XRCC4: variants seen among roughly 807,000 people sequenced by gnomAD.
XRCC4 encodes the protein X-ray repair cross complementing 4, also known as DNA repair protein XRCC4.
Under a neutral mutation model 39.1 loss-of-function variants are expected in XRCC4, and 28 were observed. That is an observed-to-expected ratio of 0.72 (90% CI 0.53 to 0.98). The LOEUF is 0.98. Among genes scored for constraint, XRCC4 ranks in the 50% least tolerant of loss-of-function variants. XRCC4 has a pLI of 0.00. For missense variants in XRCC4, 350 were observed against 376.4 expected (o/e 0.93, Z 0.58); for synonymous variants, 123 against 126.4 (o/e 0.97, Z 0.18).
At chr5:83,101,527 T>G (rs2386236) in intron 1 of XRCC4, among the ~76,000 whole-genome samples, 138,966 of 152,054 alleles carry the variant, frequency 0.91, 63,665 homozygotes, top group African/African-American at 0.97. Flanking sequence ...TTCTTTTTTT[T>G]TTGTTGTTGT....
chr5:83,269,404 A>G (rs556341194), intron 7 of XRCC4, among the ~76,000 whole-genome samples: 1 of 151,492 alleles, frequency 6.6e-6, no homozygotes, highest in Admixed American at 6.6e-5. Flanking sequence ...GTACAATGTG[A>G]TAATGAGGCC....
At chr5:83,079,604 C>CT (rs1262540493) in intron 1 of XRCC4, among the ~76,000 whole-genome samples, 4 of 152,184 alleles carry the variant, frequency 2.6e-5, no homozygotes, top group African/African-American at 9.7e-5. Context: ...TCATGACTCA[C>CT]TGCAGCCTCA....
intron 3 of XRCC4, among the ~76,000 whole-genome samples, chr5:83,136,576 A>T (rs1747908870): frequency 1.3e-5 from 2 of 152,198 alleles, no homozygotes; most frequent in African/African-American, 4.8e-5. Flanking sequence ...ATCATTTAAA[A>T]TTAATTAAAG....
intron 7 of XRCC4, among the ~76,000 whole-genome samples, chr5:83,298,671 A>G (rs1002704018): frequency 1.3e-5 from 2 of 151,588 alleles, no homozygotes; most frequent in African/African-American, 4.8e-5. Context: ...AATCTCATCT[A>G]GTAGTTTTTA....
At chr5:83,366,986 A>G in the XRCC4 span, among the ~76,000 whole-genome samples, 44 of 152,254 alleles carry the variant, frequency 2.9e-4, no homozygotes, top group South Asian at 6.8e-3. Context: ...TTTTTTGGCC[A>G]TCTGTTCTCA....
chr5:83,225,443 G>A (rs1752250565), intron 6 of XRCC4, among the ~76,000 whole-genome samples: 1 of 151,790 alleles, frequency 6.6e-6, no homozygotes, highest in South Asian at 2.1e-4. Context: ...ATAGCTGCTG[G>A]AAGTGGGCTT....
the XRCC4 span, among the ~76,000 whole-genome samples, chr5:83,367,503 C>G: frequency 6.6e-6 from 1 of 152,166 alleles, no homozygotes. Flanking sequence ...GCTCCTTGCA[C>G]GGGCCACTCT....
chr5:83,171,819 A>G (rs1311352910), intron 3 of XRCC4, among the ~76,000 whole-genome samples: 2 of 152,146 alleles, frequency 1.3e-5, no homozygotes, highest in African/African-American at 4.8e-5. Flanking sequence ...CCAGATTATA[A>G]TTTTCACAAG....
chr5:83,177,982 T>C (rs1034697675), intron 3 of XRCC4, among the ~76,000 whole-genome samples: 1 of 152,004 alleles, frequency 6.6e-6, no homozygotes, highest in Non-Finnish European at 1.5e-5. Flanking sequence ...GCTTTGGGGA[T>C]TGGAACTAAG....
At chr5:83,264,455 CAGTG>C in intron 7 of XRCC4, among the ~76,000 whole-genome samples, 1 of 152,194 alleles carries the variant, frequency 6.6e-6, no homozygotes, top group East Asian at 1.9e-4. Flanking sequence ...AAAATTAAAA[CAGTG>C]AGGGGGTCAG....
chr5:83,181,615 C>T (rs1750210249), intron 3 of XRCC4, among the ~76,000 whole-genome samples: 1 of 152,030 alleles, frequency 6.6e-6, no homozygotes, highest in African/African-American at 2.4e-5. Context: ...GGAAACTAAA[C>T]CAGAGTAGGT....
intron 7 of XRCC4, among the ~76,000 whole-genome samples, chr5:83,313,304 G>T (rs1755769399): frequency 6.6e-6 from 1 of 152,068 alleles, no homozygotes; most frequent in Non-Finnish European, 1.5e-5. Flanking sequence ...AAGGGATCAT[G>T]ATATATGCAC....
At chr5:83,223,407 A>C (rs956301902) in intron 6 of XRCC4, among the ~76,000 whole-genome samples, 5 of 152,064 alleles carry the variant, frequency 3.3e-5, no homozygotes, top group African/African-American at 9.7e-5. Flanking sequence ...TTGGGTGCAG[A>C]TATAACAATT....
intron 7 of XRCC4, among the ~76,000 whole-genome samples, chr5:83,270,063 AGCAG>A (rs1754086284): frequency 6.6e-6 from 1 of 152,190 alleles, no homozygotes; most frequent in South Asian, 2.1e-4. Context: ...GTGACGGATT[AGCAG>A]GCATTAGATT....
chr5:83,284,480 C>T (rs1754668371), intron 7 of XRCC4, among the ~76,000 whole-genome samples: 1 of 152,028 alleles, frequency 6.6e-6, no homozygotes, highest in African/African-American at 2.4e-5. Flanking sequence ...TTCCTTTGAA[C>T]ATCACATGTA....
At chr5:83,092,719 T>C (rs1745483874) in intron 1 of XRCC4, among the ~76,000 whole-genome samples, 1 of 152,046 alleles carries the variant, frequency 6.6e-6, no homozygotes, top group Admixed American at 6.5e-5. Context: ...GACAGAAGTG[T>C]AAGATATTCT....
intron 3 of XRCC4, among the ~76,000 whole-genome samples, chr5:83,163,632 A>G (rs929465295): frequency 6.6e-6 from 1 of 152,220 alleles, no homozygotes. Flanking sequence ...AGCAACTCCT[A>G]CGAGTCTATG....
intron 5 of XRCC4, among the ~76,000 whole-genome samples, chr5:83,204,222 C>T (rs1039786): frequency 0.46 from 70,493 of 151,884 alleles, 16,832 homozygotes; most frequent in African/African-American, 0.53. Context: ...ATGGCTGATA[C>T]GGCTTTCGAC....
At chr5:83,234,543 C>T (rs950145891) in intron 6 of XRCC4, among the ~76,000 whole-genome samples, 2 of 152,218 alleles carry the variant, frequency 1.3e-5, no homozygotes, top group African/African-American at 4.8e-5. Context: ...CACAGATGTA[C>T]TCTATTGTGC....
Sources: allele counts gnomAD v4.1 joint callset (sites outside exome capture counted in the v4.1 genomes callset), GRCh38; gene constraint gnomAD v4.1.1; transcripts MANE v1.5; gene names NCBI Gene and HGNC (gene_info 2026-07-23, HGNC 2026-07-21).